The following CABYR variants were observed in gnomAD, a reference collection of about 807,000 sequenced individuals.
CABYR encodes calcium-binding tyrosine phosphorylation-regulated protein.
In CABYR, 31 loss-of-function variants were observed where a neutral mutation model predicts 36.1. The observed-to-expected ratio is 0.86, with a 90% confidence interval of 0.64 to 1.16. The LOEUF (loss-of-function observed/expected upper bound fraction) is 1.16, where lower values mean the gene tolerates loss of function less well. CABYR is among the 50% of genes most tolerant of loss of function. The pLI is 0.00. For synonymous variants in CABYR, 146 were observed against 160.7 expected (o/e 0.91, Z 0.69); for missense variants, 429 against 455.8 (o/e 0.94, Z 0.53).
intron 3 of CABYR, among the ~76,000 whole-genome samples, chr18:24,151,234 G>A (rs1007844116): frequency 1.5e-4 from 23 of 152,204 alleles, no homozygotes; most frequent in African/African-American, 5.3e-4. Context: ...TGGAAAATCA[G>A]GATTCTGCAA....
intron 3 of CABYR, among the ~76,000 whole-genome samples, chr18:24,153,847 G>C (rs1478003428): frequency 1.3e-5 from 2 of 151,992 alleles, no homozygotes; most frequent in Non-Finnish European, 2.9e-5. Flanking sequence ...CTCAACCCCT[G>C]TAATCCCAGC....
chr18:24,147,237 T>TG (rs1283089655), intron 3 of CABYR, among the ~76,000 whole-genome samples: 1 of 110,664 alleles, frequency 9.0e-6, no homozygotes, highest in Admixed American at 1.2e-4. Context: ...TAGGTGACAG[T>TG]GCAAAACCAT....
At chr18:24,153,406 C>T (rs746107570) in intron 3 of CABYR, among the ~76,000 whole-genome samples, 12 of 152,228 alleles carry the variant, frequency 7.9e-5, no homozygotes, top group East Asian at 1.9e-4. Context: ...ATGTGAGGCA[C>T]GTGGAAAAGT....
At chr18:24,143,534 TC>T (rs2085380686) in intron 3 of CABYR, 121 bp downstream of exon 3, 3 of 418,256 alleles carry the variant, frequency 7.2e-6, no homozygotes, top group Non-Finnish European at 1.2e-5. Flanking sequence ...ATCACATTGT[TC>T]CTTTTTAAAA....
intron 1 of CABYR, among the ~76,000 whole-genome samples, chr18:24,141,745 C>A (rs985551493): frequency 6.6e-6 from 1 of 152,130 alleles, no homozygotes; most frequent in African/African-American, 2.4e-5. Flanking sequence ...CACCCTGACA[C>A]AGTTTCAGGT....
At chr18:24,152,902 G>C (rs980418800) in intron 3 of CABYR, 2 of 152,308 alleles carry the variant, frequency 1.3e-5, no homozygotes, top group South Asian at 2.1e-4. Flanking sequence ...GGTATGGGGA[G>C]GTCAGTCTGG....
At chr18:24,139,886 GT>G (rs1211973939) in intron 1 of CABYR, 1 of 151,826 alleles carries the variant, frequency 6.6e-6, no homozygotes, top group African/African-American at 2.4e-5. Context: ...CTCCTGAAAG[GT>G]TGTTGGCGCC....
chr18:24,141,881 G>A (rs1412772271), intron 1 of CABYR, among the ~76,000 whole-genome samples: 1 of 152,060 alleles, frequency 6.6e-6, no homozygotes, highest in Admixed American at 6.6e-5. Flanking sequence ...GGAGATATGA[G>A]AAACGAAAGG....
intron 3 of CABYR, chr18:24,150,595 GA>G: frequency 1.0e-6 from 1 of 983,744 alleles, no homozygotes; most frequent in Non-Finnish European, 1.2e-6. Context: ...CAAGGAGGAA[GA>G]GGGGAGAAAC....
At chr18:24,149,308 A>C (rs1448605717) in intron 3 of CABYR, among the ~76,000 whole-genome samples, 1 of 152,146 alleles carries the variant, frequency 6.6e-6, no homozygotes, top group Non-Finnish European at 1.5e-5. Flanking sequence ...GCCCCACCAG[A>C]GTATCTAGAT....
chr18:24,147,272 A>AAAAAAAAAAAAAAG, intron 3 of CABYR, among the ~76,000 whole-genome samples: 1 of 137,460 alleles, frequency 7.3e-6, no homozygotes, highest in Admixed American at 7.4e-5. Context: ...AAAAAAAAAA[A>AAAAAAAAAAAAAAG]GCCTATAGGC....
rs1031974905 is a variant in CABYR at position 24,149,545 on chromosome 18, G to A, written c.199+6132G>A. On this transcript the variant is annotated intron_variant, in intron 3 of 5. Coordinates refer to ENST00000399496, the MANE Select transcript of CABYR (RefSeq NM_153769.3). ...GGAGCTGCCTGCCAGTCCTGGTGCC[G>A]TGCGCCTGCACTCCTCAGCCCTTGG... Among the ~76,000 whole-genome samples the A allele has an allele frequency of 9.9e-5, 15 of 152,214 alleles. 1 individual carries two copies. Among genetic ancestry groups the A allele is most frequent in the Admixed American group, 9.2e-4 (14 of 15,282 alleles).
intron 3 of CABYR, among the ~76,000 whole-genome samples, chr18:24,151,768 C>T (rs2085643225): frequency 6.7e-6 from 1 of 149,880 alleles, no homozygotes; most frequent in Non-Finnish European, 1.5e-5. Flanking sequence ...CAGCTCACTG[C>T]AACCTCTACC....
chr18:24,155,711 G>A lies in CABYR; in HGVS notation c.210G>A (p.Trp70Ter). Residue 70 changes from tryptophan (W) to a stop codon, truncating the protein, a stop_gained, in exon 4 of 6, where the codon TGG becomes TGA. Transcript: ENST00000399496. LOFTEE classifies it high-confidence loss of function. ...KQFHQIKVEK[W>*]SEGTTPQKKL... ...GTTGTTGTTTTTCAGTAGAGAAATG[G>A]TCAGAAGGAACGACACCACAGAAGA... 6.3e-7 allele frequency: 1 copy of A among 1,592,496 alleles called. No homozygotes were observed.
intron 4 of CABYR, among the ~76,000 whole-genome samples, chr18:24,159,146 T>C (rs1298939121): frequency 6.6e-6 from 1 of 152,214 alleles, no homozygotes; most frequent in Non-Finnish European, 1.5e-5. Flanking sequence ...CTAAAGGTTG[T>C]GTTGACCAGT....
intron 5 of CABYR, chr18:24,160,301 A>G: frequency 2.0e-6 from 1 of 509,018 alleles, no homozygotes; most frequent in Non-Finnish European, 3.5e-6. Context: ...GATGCCCGAT[A>G]CATGAAACTA....
chr18:24,149,817 C>T (rs541226080), intron 3 of CABYR, among the ~76,000 whole-genome samples: 55 of 152,352 alleles, frequency 3.6e-4, no homozygotes, highest in African/African-American at 1.1e-3. Context: ...CCTCATTGCC[C>T]GGGGCTGGCA....
chr18:24,155,771 T>TG lies in CABYR; in HGVS notation c.271dup (p.Val91GlyfsTer4). 1 of 1,613,980 alleles carries TG rather than the reference T, an allele frequency of 6.2e-7. No homozygotes were observed. The highest frequency in any genetic ancestry group is 8.5e-7 in the Non-Finnish European group (1 of 1,179,942). ...GTTTAAAAGAACCAGGAAAAACATC[T>TG]GTAGAATCTAAAGTACCTACCCAGA... On this transcript the variant is annotated frameshift_variant, in exon 4 of 6. Coordinates refer to ENST00000399496, the MANE Select transcript of CABYR (RefSeq NM_153769.3). LOFTEE classifies it high-confidence loss of function.
At position 24,159,540 on chromosome 18, in the gene CABYR, G is replaced by A; in HGVS notation, c.610G>A (p.Asp204Asn). The A allele has an allele frequency of 6.2e-7, 1 of 1,613,994 alleles. No individual in the cohort carries two copies. The highest frequency in any genetic ancestry group is 8.5e-7 in the Non-Finnish European group (1 of 1,180,014). The change falls in exon 5 of 6, where the codon GAT becomes AAT. Residue 204 changes from aspartate to asparagine, a missense_variant. By Grantham distance (23) the Asp-to-Asn change is conservative. Coordinates refer to ENST00000399496, the MANE Select transcript of CABYR (RefSeq NM_153769.3). ...CATGTGGACCCTTTATTGTCTAACT[G>A]ATAAGAATCAACAAGGTCACCCATC... Reference protein sequence around the residue: ...SNMWTLYCLTDKNQQGHPSPP... With the variant: ...SNMWTLYCLTNKNQQGHPSPP...
Sources: allele counts gnomAD v4.1 joint callset (sites outside exome capture counted in the v4.1 genomes callset), GRCh38; gene constraint gnomAD v4.1.1; transcripts MANE v1.5; gene names NCBI Gene and HGNC (gene_info 2026-07-23, HGNC 2026-07-21).